The following DOCK8 variants were observed in gnomAD, a reference collection of about 807,000 sequenced individuals.
DOCK8 encodes the protein dedicator of cytokinesis 8, also known as dedicator of cytokinesis protein 8.
Under a neutral mutation model 245.6 loss-of-function variants are expected in DOCK8, and 141 were observed. That is an observed-to-expected ratio of 0.57 (90% CI 0.50 to 0.66). The LOEUF is 0.66. Among genes scored for constraint, DOCK8 ranks in the 30% least tolerant of loss-of-function variants. DOCK8 has a pLI of 0.00. For missense variants in DOCK8, 2,965 were observed against 2,603.4 expected (o/e 1.14, Z -3.02); for synonymous variants, 1,168 against 970.2 (o/e 1.20, Z -3.79).
chr9:228,131 G>A (rs1473899852), intron 1 of DOCK8, among the ~76,000 whole-genome samples: 5 of 152,122 alleles, frequency 3.3e-5, no homozygotes, highest in African/African-American at 9.7e-5. Flanking sequence ...CCTGGATGAG[G>A]CCGAAGAGAA....
intron 2 of DOCK8, among the ~76,000 whole-genome samples, chr9:280,429 T>C (rs12349487): frequency 2.0e-5 from 3 of 152,006 alleles, no homozygotes; most frequent in South Asian, 4.1e-4. Flanking sequence ...GAAATCCATA[T>C]GGATGTGTGT....
At chr9:242,274 C>G (rs1054143815) in intron 1 of DOCK8, among the ~76,000 whole-genome samples, 3 of 152,154 alleles carry the variant, frequency 2.0e-5, no homozygotes, top group Admixed American at 2.0e-4. Context: ...TGCTCCAACC[C>G]AAGCCAATCA....
intron 18 of DOCK8, among the ~76,000 whole-genome samples, chr9:375,347 G>A (rs1187577293): frequency 6.6e-6 from 1 of 152,178 alleles, no homozygotes; most frequent in Non-Finnish European, 1.5e-5. Flanking sequence ...TAAGACCTAC[G>A]AAGGTAATGA....
chr9:433,364 C>G (rs979776395), intron 37 of DOCK8, among the ~76,000 whole-genome samples: 5 of 152,146 alleles, frequency 3.3e-5, no homozygotes, highest in African/African-American at 1.2e-4. Context: ...AAGCCATAGT[C>G]TCTCCCTGTT....
chr9:299,662 G>A (rs180680964), intron 4 of DOCK8, among the ~76,000 whole-genome samples: 29 of 151,220 alleles, frequency 1.9e-4, no homozygotes, highest in South Asian at 8.4e-4. Context: ...TTTAGCCTGC[G>A]TTTCACCCAG....
At chr9:315,022 A>G (rs2050282114) in intron 6 of DOCK8, among the ~76,000 whole-genome samples, 2 of 152,200 alleles carry the variant, frequency 1.3e-5, no homozygotes, top group Admixed American at 1.3e-4. Flanking sequence ...GAAAGATTCC[A>G]CTGATACTCC....
intron 3 of DOCK8, among the ~76,000 whole-genome samples, chr9:288,058 G>GTT (rs138002007): frequency 4.2e-5 from 6 of 142,148 alleles, no homozygotes; most frequent in African/African-American, 1.3e-4. Context: ...GAAGGAGGAG[G>GTT]TTTTTTTTTT....
chr9:325,653 C>T lies in DOCK8; in HGVS notation c.828-18C>T, dbSNP rs1586703475. On this transcript the variant is annotated intron_variant, in intron 7 of 47. Transcript: ENST00000432829. ...TCTAACTCAAAGCCACATAGATTTTCCTCTCTTTCTATGGTAGGTTCGAGA... is the reference window on the plus strand; with the variant it reads ...TCTAACTCAAAGCCACATAGATTTTTCTCTCTTTCTATGGTAGGTTCGAGA... 3 of 1,609,834 alleles carry T rather than the reference C, an allele frequency of 1.9e-6. No homozygotes were observed. The highest frequency in any genetic ancestry group is 2.6e-6 in the Non-Finnish European group (3 of 1,176,142).
At chr9:361,813 A>T (rs1473853197) in intron 14 of DOCK8, among the ~76,000 whole-genome samples, 2 of 152,232 alleles carry the variant, frequency 1.3e-5, no homozygotes, top group Non-Finnish European at 2.9e-5. Flanking sequence ...ATTTCGAAAT[A>T]AAATCTACTT....
chr9:336,498 T>C, intron 11 of DOCK8, 84 bp from the exon 12 acceptor site: 2 of 1,577,370 alleles, frequency 1.3e-6, no homozygotes, highest in Non-Finnish European at 1.7e-6. Context: ...TCAGTGACTT[T>C]AATCATACAT....
At chr9:305,031 G>C (rs2049751665) in intron 5 of DOCK8, among the ~76,000 whole-genome samples, 1 of 152,156 alleles carries the variant, frequency 6.6e-6, no homozygotes, top group South Asian at 2.1e-4. Flanking sequence ...GTAATGAAAA[G>C]CTCTATGCTG....
At chr9:288,148 T>C (rs1422598219) in intron 3 of DOCK8, among the ~76,000 whole-genome samples, 2 of 152,220 alleles carry the variant, frequency 1.3e-5, no homozygotes, top group Non-Finnish European at 2.9e-5. Flanking sequence ...AAAGAATTTA[T>C]AGGTAACATA....
intron 29 of DOCK8, among the ~76,000 whole-genome samples, chr9:417,809 A>G (rs2056091054): frequency 6.6e-6 from 1 of 152,244 alleles, no homozygotes; most frequent in Admixed American, 6.5e-5. Flanking sequence ...ATTATGTTAC[A>G]GGAAACAATT....
chr9:429,129 G>C (rs746908675), intron 35 of DOCK8, among the ~76,000 whole-genome samples: 1 of 152,148 alleles, frequency 6.6e-6, no homozygotes, highest in Non-Finnish European at 1.5e-5. Context: ...ACCGCACCCA[G>C]CTAATTTTTG....
chr9:256,845 C>A lies in DOCK8; in HGVS notation c.54-14782C>A, dbSNP rs545376439. On this transcript the variant is annotated intron_variant, in intron 1 of 47. Transcript: ENST00000432829. Reference sequence around the variant, plus strand: ...TGTCTGCTTTCCTCATTGCAGTATCCCCAGAACTTTGAGCAAGTGCACACT... The same window carrying A: ...TGTCTGCTTTCCTCATTGCAGTATCACCAGAACTTTGAGCAAGTGCACACT... Among the ~76,000 whole-genome samples the A allele has an allele frequency of 6.6e-5, 10 of 150,882 alleles. No homozygotes were observed. The East Asian group carries it at 1.7e-3, about 26-fold the overall frequency.
intron 40 of DOCK8, among the ~76,000 whole-genome samples, 153 bp from the exon 41 acceptor site, chr9:441,133 A>G (rs984496028): frequency 6.6e-6 from 1 of 152,198 alleles, no homozygotes; most frequent in African/African-American, 2.4e-5. Context: ...CACTGTCCCA[A>G]AAGTGCTCAG....
intron 7 of DOCK8, among the ~76,000 whole-genome samples, chr9:322,882 C>T (rs1369918894): frequency 6.6e-6 from 1 of 152,040 alleles, no homozygotes; most frequent in Non-Finnish European, 1.5e-5. Context: ...CACCTGAGCT[C>T]AGGAGTTTGA....
intron 5 of DOCK8, 132 bp downstream of exon 5, chr9:304,836 T>C: frequency 1.6e-6 from 2 of 1,283,456 alleles, no homozygotes; most frequent in Non-Finnish European, 2.2e-6. Flanking sequence ...ACCATCTGAG[T>C]CAGTGATTTT....
At chr9:292,088 A>AAG (rs1219106388) in intron 4 of DOCK8, among the ~76,000 whole-genome samples, 1 of 148,928 alleles carries the variant, frequency 6.7e-6, no homozygotes, top group African/African-American at 2.5e-5. Context: ...AAAAAAAAAA[A>AAG]AAGCCAGGCA....
Sources: gnomAD v4.1 joint callset for allele counts (sites outside exome capture counted in the v4.1 genomes callset) on GRCh38, gnomAD v4.1.1 for gene constraint, MANE v1.5 for transcripts, NCBI Gene and HGNC (gene_info 2026-07-23, HGNC 2026-07-21) for gene names.